The following PSMA1 variants were observed in gnomAD, a reference collection of about 807,000 sequenced individuals.
The protein encoded by PSMA1 is proteasome subunit alpha type-1.
PSMA1 carries 3 observed loss-of-function variants against 38.4 expected under a neutral mutation model. The ratio of observed to expected loss-of-function variants is 0.08; its 90% CI spans 0.04 to 0.20. The LOEUF is 0.20. PSMA1 is among the 10% of genes least tolerant of loss of function. The pLI is 1.00. For synonymous variants in PSMA1, 101 were observed against 107.1 expected (o/e 0.94, Z 0.35); for missense variants, 227 against 325.3 (o/e 0.70, Z 2.32).
At chr11:14,642,354 T>C (rs756713828) in intron 1 of PSMA1, among the ~76,000 whole-genome samples, 14 of 152,160 alleles carry the variant, frequency 9.2e-5, no homozygotes, top group Non-Finnish European at 1.6e-4. Context: ...TTTCTTGTCA[T>C]GGGGATAAAA....
chr11:14,622,506 G>A (rs1003878624), intron 1 of PSMA1, among the ~76,000 whole-genome samples: 2 of 152,156 alleles, frequency 1.3e-5, no homozygotes, highest in African/African-American at 4.8e-5. Context: ...CCAGAGGGTT[G>A]GAAATAAATC....
intron 2 of PSMA1, among the ~76,000 whole-genome samples, chr11:14,541,626 T>C (rs1490583395): frequency 6.6e-6 from 1 of 152,188 alleles, no homozygotes; most frequent in Non-Finnish European, 1.5e-5. Flanking sequence ...CCCACATTCT[T>C]GATACCTTTT....
At chr11:14,608,851 C>A (rs552117050) in intron 2 of PSMA1, among the ~76,000 whole-genome samples, 2 of 151,746 alleles carry the variant, frequency 1.3e-5, no homozygotes, top group Non-Finnish European at 2.9e-5. Context: ...GATTCCCTTG[C>A]AAGTTAAGTC....
intron 1 of PSMA1, among the ~76,000 whole-genome samples, chr11:14,639,522 A>C (rs1418732571): frequency 6.6e-6 from 1 of 152,240 alleles, no homozygotes; most frequent in African/African-American, 2.4e-5. Flanking sequence ...GATTGAGCTA[A>C]GATTGAATAA....
At chr11:14,528,231 A>G (rs549428872) in intron 2 of PSMA1, among the ~76,000 whole-genome samples, 7 of 152,310 alleles carry the variant, frequency 4.6e-5, no homozygotes, top group Non-Finnish European at 2.9e-5. Context: ...TCGCCAGCCA[A>G]GCAAACAATA....
chr11:14,529,164 G>C (rs374389455), intron 2 of PSMA1, among the ~76,000 whole-genome samples: 1 of 151,088 alleles, frequency 6.6e-6, no homozygotes, highest in Non-Finnish European at 1.5e-5. Flanking sequence ...GGTAAGTTAT[G>C]TTAGGCTTTT....
chr11:14,627,848 T>C (rs983299377), intron 1 of PSMA1, among the ~76,000 whole-genome samples: 19 of 152,204 alleles, frequency 1.2e-4, no homozygotes, highest in African/African-American at 4.3e-4. Flanking sequence ...ATCTAAATCC[T>C]ACCCATCCTT....
intron 2 of PSMA1, among the ~76,000 whole-genome samples, chr11:14,593,269 G>A (rs190511386): frequency 1.2e-4 from 18 of 152,298 alleles, no homozygotes; most frequent in African/African-American, 4.1e-4. Flanking sequence ...GTTAGTTTAC[G>A]TAACTGAAGA....
chr11:14,527,041 T>C (rs1390968770), intron 2 of PSMA1, among the ~76,000 whole-genome samples: 1 of 152,158 alleles, frequency 6.6e-6, no homozygotes, highest in Non-Finnish European at 1.5e-5. Flanking sequence ...ACCACGCTGT[T>C]ATATGGGCTG....
intron 2 of PSMA1, among the ~76,000 whole-genome samples, chr11:14,595,650 G>C (rs1852481334): frequency 1.3e-5 from 2 of 152,144 alleles, no homozygotes; most frequent in African/African-American, 2.4e-5. Flanking sequence ...TTAGCCCTTT[G>C]TCAGATAGGT....
At chr11:14,560,619 T>C (rs1246117804) in intron 2 of PSMA1, among the ~76,000 whole-genome samples, 2 of 152,180 alleles carry the variant, frequency 1.3e-5, no homozygotes, top group Non-Finnish European at 2.9e-5. Flanking sequence ...CACAAGTGGA[T>C]CACTGTGAGC....
chr11:14,518,782 C>A lies in PSMA1; in HGVS notation c.48+215G>T, dbSNP rs543459608. Among the ~76,000 whole-genome samples, 3 of 152,276 alleles carry A rather than the reference C, an allele frequency of 2.0e-5. No homozygotes were observed. The South Asian group carries it at 6.2e-4, about 32-fold the overall frequency. On this transcript the variant is annotated intron_variant, in intron 2 of 9. Coordinates refer to ENST00000396394, the MANE Select transcript of PSMA1 (RefSeq NM_002786.4). ...AAAAGATTCCACATATAAGTGAGAG[C>A]ATGAAACATTTTTCTTTCTGTTTCT... is the stretch of plus-strand genomic sequence containing the variant.
chr11:14,513,742 T>C, intron 6 of PSMA1, 43 bp from the exon 7 acceptor site: 1 of 1,549,922 alleles, frequency 6.5e-7, no homozygotes, highest in Non-Finnish European at 8.7e-7. Context: ...TTTACTTTGG[T>C]TGAACTAAAA....
At chr11:14,600,952 T>C (rs1852573678) in intron 2 of PSMA1, among the ~76,000 whole-genome samples, 1 of 152,266 alleles carries the variant, frequency 6.6e-6, no homozygotes, top group African/African-American at 2.4e-5. Context: ...ATTTTTTGTT[T>C]AGTATTCTTA....
At position 14,529,250 on chromosome 11, in the gene PSMA1, G is replaced by A. The variant is rs116264841; in HGVS notation, c.22-10209C>T. 7.2e-3 allele frequency among the ~76,000 whole-genome samples: 1,088 copies of A among 152,008 alleles called. 10 individuals carry two copies. Among genetic ancestry groups the A allele is most frequent in the African/African-American group, 0.024 (999 of 41,430 alleles). On this transcript the variant is annotated intron_variant, in intron 2 of 10. Transcript: ENST00000418988. ...TTTTCATGGATGTGTAAATCTTACC[G>A]TGTTATTATGTTTAGCACCTATAAC...
At chr11:14,559,074 T>C (rs1184736278) in intron 2 of PSMA1, among the ~76,000 whole-genome samples, 5 of 152,126 alleles carry the variant, frequency 3.3e-5, no homozygotes, top group African/African-American at 1.2e-4. Flanking sequence ...TAACCTTAAA[T>C]AAGCATAGGT....
chr11:14,600,398 C>T lies in PSMA1; in HGVS notation c.21+10568G>A, dbSNP rs1025539042. On this transcript the variant is annotated intron_variant, in intron 2 of 10. Coordinates refer to the PSMA1 transcript ENST00000418988. ...GGCCTTGTTAAGCTGTTGTGGGCTC[C>T]GCTCAGTTCGAGTTTCCCACCGCTT... Among the ~76,000 whole-genome samples, 15 of 152,158 alleles carry T rather than the reference C, an allele frequency of 9.9e-5. No individual in the cohort carries two copies. The East Asian group carries it at 1.2e-3, about 12-fold the overall frequency.
At chr11:14,537,020 G>T (rs1442999730) in intron 2 of PSMA1, among the ~76,000 whole-genome samples, 2 of 152,174 alleles carry the variant, frequency 1.3e-5, no homozygotes, top group Non-Finnish European at 2.9e-5. Context: ...ATGATGGAAG[G>T]AGTATGCTTA....
intron 2 of PSMA1, among the ~76,000 whole-genome samples, chr11:14,592,917 TATC>T (rs1852441425): frequency 3.3e-5 from 5 of 152,344 alleles, no homozygotes; most frequent in African/African-American, 9.6e-5. Flanking sequence ...TGCTTTATAA[TATC>T]ATTATGTTTT....
Sources: allele counts gnomAD v4.1 joint callset (sites outside exome capture counted in the v4.1 genomes callset), GRCh38; gene constraint gnomAD v4.1.1; transcripts MANE v1.5; gene names NCBI Gene and HGNC (gene_info 2026-07-23, HGNC 2026-07-21).